The following POGLUT2 variants were observed in gnomAD, a reference collection of about 807,000 sequenced individuals.
POGLUT2 encodes protein O-glucosyltransferase 2.
A neutral mutation model predicts 57.6 loss-of-function variants in POGLUT2; 47 were observed. That is an observed-to-expected ratio of 0.82 (90% CI 0.65 to 1.04). The LOEUF is 1.04. Ranked by LOEUF, POGLUT2 falls within the 50% of genes least tolerant of loss-of-function variation. The pLI is 0.00. For missense variants in POGLUT2, 565 were observed against 614.8 expected, an observed-to-expected ratio of 0.92 and a Z score of 0.86; for synonymous variants, 200 against 218.8, an observed-to-expected ratio of 0.91 and a Z score of 0.76.
At chr13:102,795,611 A>G (rs1308847089) in intron 2 of POGLUT2, among the ~76,000 whole-genome samples, 1 of 152,180 alleles carries the variant, frequency 6.6e-6, no homozygotes, top group African/African-American at 2.4e-5. Flanking sequence ...AAAACAGTCC[A>G]CTTCACTAAT....
At chr13:102,797,831 C>A (rs1366319956) in intron 1 of POGLUT2, among the ~76,000 whole-genome samples, 1 of 151,966 alleles carries the variant, frequency 6.6e-6, no homozygotes, top group African/African-American at 2.4e-5. Context: ...TTACAACCTG[C>A]CTTTTACTTG....
At chr13:102,790,238 CA>C (rs1452672872) in intron 6 of POGLUT2, among the ~76,000 whole-genome samples, 1 of 152,244 alleles carries the variant, frequency 6.6e-6, no homozygotes, top group African/African-American at 2.4e-5. Flanking sequence ...TGGTCATCTA[CA>C]GGGCAGACAG....
chr13:102,793,281 T>TTA, intron 4 of POGLUT2, 60 bp downstream of exon 4: 1 of 925,500 alleles, frequency 1.1e-6, no homozygotes, highest in Non-Finnish European at 1.8e-6. Flanking sequence ...TTTTGAAAAA[T>TTA]TATCCTGTAA....
chr13:102,795,362 G>A lies in POGLUT2; in HGVS notation c.388+1442C>T, dbSNP rs574649374. ...CAGATCACTTGAGCTCCAGGGTTCG[G>A]GACCAGTCTGAGCAACATGGCAAAA... On this transcript the variant is annotated intron_variant, in intron 2 of 9. Coordinates refer to ENST00000376004, the MANE Select transcript of POGLUT2 (RefSeq NM_024089.3). Among the ~76,000 whole-genome samples, 8 of 151,930 alleles carry A rather than the reference G, an allele frequency of 5.3e-5. No homozygotes were observed. In the South Asian group the frequency reaches 1.2e-3, roughly 24 times the overall value.
intron 4 of POGLUT2, 176 bp downstream of exon 4, chr13:102,793,165 C>T (rs529776599): frequency 9.2e-6 from 5 of 543,410 alleles, no homozygotes; most frequent in South Asian, 5.6e-5. Context: ...CACTTTGTTA[C>T]GGCAGCCCTA....
chr13:102,798,715 TG>T lies in POGLUT2; in HGVS notation c.-46del, dbSNP rs1398166514. Reference sequence around the variant, plus strand: ...AATGATCCACCGATAAATGAAGAAGTGTAAGAGGTGGACAGAAGCAGCCGAG... The same window carrying T: ...AATGATCCACCGATAAATGAAGAAGTTAAGAGGTGGACAGAAGCAGCCGAG... On this transcript the variant is annotated 5_prime_UTR_variant, in exon 1 of 10. Coordinates refer to ENST00000376004, the MANE Select transcript of POGLUT2 (RefSeq NM_024089.3). 6.6e-7 allele frequency: 1 copy of T among 1,517,972 alleles called. No individual in the cohort carries two copies. Among genetic ancestry groups the T allele is most frequent in the African/African-American group, 1.4e-5 (1 of 71,296 alleles). The allele number at this position is 1,517,972 out of a possible 1,614,324, so 94.0% of individuals were successfully genotyped here.
chr13:102,785,847 A>G (rs1430490503), intron 9 of POGLUT2, among the ~76,000 whole-genome samples: 1 of 152,250 alleles, frequency 6.6e-6, no homozygotes, highest in East Asian at 1.9e-4. Flanking sequence ...TCGTGGTTAC[A>G]TATTTTTCCT....
intron 8 of POGLUT2, 81 bp from the exon 9 acceptor site, chr13:102,786,420 C>T: frequency 2.2e-6 from 2 of 899,890 alleles, no homozygotes; most frequent in South Asian, 1.4e-5. Flanking sequence ...TATATGAAGA[C>T]TATGATTCAT....
chr13:102,795,225 C>T (rs900579075), intron 2 of POGLUT2, among the ~76,000 whole-genome samples: 14 of 125,926 alleles, frequency 1.1e-4, no homozygotes, highest in Non-Finnish European at 2.0e-4. Context: ...GCACTCTAGG[C>T]TAGTGACAGA....
At chr13:102,793,882 A>C in intron 2 of POGLUT2, 76 bp from the exon 3 acceptor site, 3 of 1,255,206 alleles carry the variant, frequency 2.4e-6, no homozygotes, top group Non-Finnish European at 3.5e-6. Flanking sequence ...AACATCTATA[A>C]TGTGGCTTCA....
intron 2 of POGLUT2, among the ~76,000 whole-genome samples, 157 bp downstream of exon 2, chr13:102,796,647 C>T (rs1487203091): frequency 7.0e-6 from 1 of 142,298 alleles, no homozygotes; most frequent in Admixed American, 7.2e-5. Context: ...CATAACTTAG[C>T]TTTCAAGTAG....
intron 7 of POGLUT2, 82 bp from the exon 8 acceptor site, chr13:102,788,005 G>A (rs1341367644): frequency 1.4e-6 from 1 of 714,400 alleles, no homozygotes; most frequent in East Asian, 2.5e-5. Context: ...TTCAGAGTAT[G>A]TATACATTGG....
chr13:102,789,052 A>G lies in POGLUT2; in HGVS notation c.1253T>C (p.Leu418Pro), dbSNP rs764330669. 5.6e-6 allele frequency: 9 copies of G among 1,614,190 alleles called. No individual in the cohort carries two copies. The highest frequency in any genetic ancestry group is 7.6e-6 in the Non-Finnish European group (9 of 1,180,032). Residue 418 changes from leucine to proline, a missense_variant, in exon 7 of 10, where the codon CTG becomes CCG. Leu to Pro is a moderately conservative substitution (Grantham distance 98, BLOSUM62 -3). Transcript: ENST00000376004. ...TTTCGCCCATTTAAGTTTTTCTAGCAGATCGCTCAGGTTGCTCTTAACTGG... is the reference window on the plus strand; with the variant it reads ...TTTCGCCCATTTAAGTTTTTCTAGCGGATCGCTCAGGTTGCTCTTAACTGG... ...YIPVKSNLSD[L>P]LEKLKWAKDH...
rs749963894 is a variant in POGLUT2 at position 102,796,897 on chromosome 13, C to T, written c.295G>A (p.Val99Ile). 1 of 1,610,942 alleles carries T rather than the reference C, an allele frequency of 6.2e-7. No homozygotes were observed. The highest frequency in any genetic ancestry group is 8.5e-7 in the Non-Finnish European group (1 of 1,177,256). Residue 99 changes from valine to isoleucine, a missense_variant, in exon 2 of 10, where the codon GTA (valine) becomes ATA (isoleucine). Transcript: ENST00000376004. ...VLDRKDGSFI[V>I]RYRMYASYKN... ...TAGCTTGCATACATTCTGTATCTTA[C>T]TATGAAGGACCCATCTTTTCGGTCT... is the stretch of plus-strand genomic sequence containing the variant.
intron 9 of POGLUT2, among the ~76,000 whole-genome samples, chr13:102,785,885 C>T (rs927569037): frequency 6.6e-6 from 1 of 152,108 alleles, no homozygotes; most frequent in Non-Finnish European, 1.5e-5. Flanking sequence ...TGAACTTTGC[C>T]AAACTTATCT....
intron 2 of POGLUT2, among the ~76,000 whole-genome samples, chr13:102,796,152 T>C (rs189144298): frequency 1.3e-5 from 2 of 151,448 alleles, no homozygotes; most frequent in East Asian, 3.9e-4. Context: ...AAAATTAGCC[T>C]GGCATGGTGG....
intron 1 of POGLUT2, among the ~76,000 whole-genome samples, chr13:102,798,128 C>G (rs1878506824): frequency 6.6e-6 from 1 of 152,108 alleles, no homozygotes; most frequent in South Asian, 2.1e-4. Context: ...GAGGGCCGCA[C>G]CAGAGAAAGA....
Position 102,793,824 on chromosome 13 carries a change from A to T in POGLUT2, c.389-18T>A, listed in dbSNP as rs1235297897. 6.3e-7 allele frequency: 1 copy of T among 1,590,702 alleles called. No individual in the cohort carries two copies. The highest frequency in any genetic ancestry group is 8.6e-7 in the Non-Finnish European group (1 of 1,158,720). ...AACCGGCCCTATTTACATAAGAATA[A>T]CAAAGTACAACAGTGATCATTTCAC... On this transcript the variant is annotated intron_variant, in intron 2 of 9. Transcript: ENST00000376004.
rs1878120725 is a variant in POGLUT2, at chr13:102,790,393, T to C, written c.1083+508A>G. ...CCCACTGCCTTATAAAAGGAGTTGTTAGAAAAAGGACTACTCCCCAGGAAC... is the reference window on the plus strand; with the variant it reads ...CCCACTGCCTTATAAAAGGAGTTGTCAGAAAAAGGACTACTCCCCAGGAAC... On this transcript the variant is annotated intron_variant, in intron 6 of 9. Coordinates refer to ENST00000376004, the MANE Select transcript of POGLUT2 (RefSeq NM_024089.3). Among the ~76,000 whole-genome samples, 3 of 152,258 alleles carry C rather than the reference T, an allele frequency of 2.0e-5. No homozygotes were observed. The South Asian group carries it at 6.2e-4, about 32-fold the overall frequency.
Sources: allele counts gnomAD v4.1 joint callset (sites outside exome capture counted in the v4.1 genomes callset), GRCh38; gene constraint gnomAD v4.1.1; transcripts MANE v1.5; gene names NCBI Gene and HGNC (gene_info 2026-07-23, HGNC 2026-07-21).